The following CARS2 variants were observed in gnomAD, a reference collection of about 807,000 sequenced individuals.
CARS2 encodes probable cysteine--tRNA ligase, mitochondrial.
In CARS2, 52 loss-of-function variants were observed where a neutral mutation model predicts 68.8. That is an observed-to-expected ratio of 0.76 (90% CI 0.61 to 0.95). The LOEUF is 0.95. Among genes scored for constraint, CARS2 ranks in the 40% least tolerant of loss-of-function variants. The probability of loss-of-function intolerance (pLI) is 0.00; values close to 1 mark genes in which losing one functional copy is unlikely to be tolerated. For synonymous variants in CARS2, 314 were observed against 303.6 expected (o/e 1.03, Z -0.36); for missense variants, 780 against 754.2 (o/e 1.03, Z -0.40).
chr13:110,658,349 G>C (rs572139176), intron 9 of CARS2, among the ~76,000 whole-genome samples: 41 of 152,196 alleles, frequency 2.7e-4, no homozygotes, highest in African/African-American at 9.6e-4. Context: ...AAAGTAGAAG[G>C]GTTGTTGCCA....
At chr13:110,650,490 A>T (rs552861359) in intron 10 of CARS2, 3 of 152,636 alleles carry the variant, frequency 2.0e-5, no homozygotes, top group African/African-American at 7.2e-5. Context: ...TCGGCCTCCC[A>T]AAGTGCTGGG....
intron 3 of CARS2, among the ~76,000 whole-genome samples, chr13:110,693,276 T>A (rs758423440): frequency 6.6e-4 from 101 of 152,142 alleles, no homozygotes; most frequent in Non-Finnish European, 1.2e-3. Flanking sequence ...GGCCCAGTCC[T>A]GGAGGACATG....
rs969887115 is a variant in CARS2 at position 110,653,355 on chromosome 13, C to T, written c.988-2255G>A. Among the ~76,000 whole-genome samples the T allele has an allele frequency of 1.3e-5, 2 of 152,188 alleles. No homozygotes were observed. Among genetic ancestry groups the T allele is most frequent in the African/African-American group, 4.8e-5 (2 of 41,442 alleles). On this transcript the variant is annotated intron_variant, in intron 9 of 14. Transcript: ENST00000257347. The surrounding 1 kb of genome is among the most constrained non-coding windows in gnomAD (Gnocchi z 5.6). ...AAAAGGAATATTACTCCTGGGTCCT[C>T]TAATTCGCAACTCGCAGGCTTACTT...
chr13:110,698,550 T>A (rs994918023), intron 3 of CARS2, among the ~76,000 whole-genome samples: 19 of 152,080 alleles, frequency 1.2e-4, no homozygotes, highest in African/African-American at 4.3e-4. Context: ...AAGTTTTTTT[T>A]AAAAAGCACC....
At chr13:110,649,541 A>G (rs1441954829) in intron 10 of CARS2, among the ~76,000 whole-genome samples, 1 of 152,246 alleles carries the variant, frequency 6.6e-6, no homozygotes, top group Non-Finnish European at 1.5e-5. Context: ...CTGGCCAGAT[A>G]GATTCACCCC....
At chr13:110,669,660 G>A (rs1332612406) in intron 7 of CARS2, among the ~76,000 whole-genome samples, 1 of 152,132 alleles carries the variant, frequency 6.6e-6, no homozygotes, top group East Asian at 1.9e-4. Context: ...CGCAGAAGAC[G>A]GGTGATTTCT....
chr13:110,687,901 C>T lies in CARS2; in HGVS notation c.465+46G>A, dbSNP rs572549003. The T allele has an allele frequency of 2.9e-5, 45 of 1,570,068 alleles. No individual in the cohort carries two copies. In the South Asian group the frequency reaches 4.4e-4, roughly 15 times the overall value. ...TCAGCCAGCACCAGCTGTCATTGCT[C>T]ACGCCTGTCACCCTCATGGCAGGAA... On this transcript the variant is annotated intron_variant, in intron 4 of 14. Coordinates refer to ENST00000257347, the MANE Select transcript of CARS2 (RefSeq NM_024537.4).
At chr13:110,700,491 A>G (rs984094417) in intron 3 of CARS2, among the ~76,000 whole-genome samples, 3 of 152,242 alleles carry the variant, frequency 2.0e-5, no homozygotes, top group Non-Finnish European at 2.9e-5. Context: ...AACAGAGAGA[A>G]GATGATGGCC....
In CARS2 at chr13:110,705,646, C is replaced by G. The variant is rs745684151; in HGVS notation, c.225-75G>C. The G allele has an allele frequency of 6.7e-6, 10 of 1,502,920 alleles. No homozygotes were observed. The highest frequency in any genetic ancestry group is 5.5e-6 in the Non-Finnish European group (6 of 1,082,804). 93.1% of individuals were successfully genotyped at this position (1,502,920 alleles called of 1,614,324 possible). On this transcript the variant is annotated intron_variant, in intron 1 of 14. Coordinates refer to ENST00000257347, the MANE Select transcript of CARS2 (RefSeq NM_024537.4). The surrounding 1 kb of genome is among the most constrained non-coding windows in gnomAD (Gnocchi z 4.0). ...ACATTCGATTCTGAGTTATAATGATCATATAATTTTTAAAGTAATCACTTC... is the reference window on the plus strand; with the variant it reads ...ACATTCGATTCTGAGTTATAATGATGATATAATTTTTAAAGTAATCACTTC...
At chr13:110,646,888 G>C in intron 11 of CARS2, 1 of 525,338 alleles carries the variant, frequency 1.9e-6, no homozygotes, top group Non-Finnish European at 3.3e-6. Context: ...CCAGCTCCCA[G>C]TCCCCTGTGG....
upstream of CARS2, among the ~76,000 whole-genome samples, chr13:110,711,147 C>T (rs1210025044): frequency 2.0e-5 from 3 of 152,158 alleles, no homozygotes; most frequent in African/African-American, 7.2e-5. Context: ...CCTTATTCAA[C>T]TTTGTACTCC....
chr13:110,701,799 T>A (rs1418152833), intron 2 of CARS2, among the ~76,000 whole-genome samples: 1 of 152,254 alleles, frequency 6.6e-6, no homozygotes, highest in African/African-American at 2.4e-5. Context: ...TTAGCATTTT[T>A]AATTTTGGAG....
chr13:110,645,815 C>T (rs940317730), intron 12 of CARS2, 152 bp downstream of exon 12: 86 of 1,031,552 alleles, frequency 8.3e-5, no homozygotes, highest in Non-Finnish European at 1.0e-4. Context: ...CGTGTGTCAG[C>T]GGCAGACTCG....
intron 3 of CARS2, among the ~76,000 whole-genome samples, chr13:110,700,872 A>G (rs73618914): frequency 2.9e-4 from 44 of 152,312 alleles, no homozygotes; most frequent in African/African-American, 9.9e-4. Flanking sequence ...AGACGACCAC[A>G]GAAGGAGGTA....
Position 110,706,001 on chromosome 13 carries a change from G to T in CARS2, c.93C>A (p.Gly31=). 1 of 1,495,576 alleles carries T rather than the reference G, an allele frequency of 6.7e-7. No individual in the cohort carries two copies. Among genetic ancestry groups the T allele is most frequent in the Non-Finnish European group, 8.9e-7 (1 of 1,127,640 alleles). 92.6% of individuals were successfully genotyped at this position (1,495,576 alleles called of 1,614,324 possible). A position where few individuals can be genotyped will look rare whatever the true frequency, so the allele number is the denominator to read the frequency against. The change falls in exon 1 of 15, where the codon GGC becomes GGA. Residue 31 remains glycine, a synonymous_variant. Transcript: ENST00000257347. ...LGRAGWHWPA[G]RAASGGRGRA... is the part of the protein sequence containing the mutation. ...GCCCGCGCCCCCCGCTCGCCGCCCG[G>T]CCCGCAGGCCAGTGCCACCCAGCCC...
chr13:110,682,906 C>A, intron 6 of CARS2, 145 bp downstream of exon 6: 1 of 484,362 alleles, frequency 2.1e-6, no homozygotes, highest in East Asian at 3.3e-5. Flanking sequence ...CCACAGAAAC[C>A]ACACTAAATT....
At chr13:110,662,557 C>T (rs1853861) in intron 9 of CARS2, among the ~76,000 whole-genome samples, 117,896 of 152,246 alleles carry the variant, frequency 0.77, 46,390 homozygotes, top group Middle Eastern at 0.85. Context: ...TCTAATTTAC[C>T]AATTTAATTG....
At chr13:110,683,286 G>C in intron 5 of CARS2, 152 bp from the exon 6 acceptor site, 1 of 484,424 alleles carries the variant, frequency 2.1e-6, no homozygotes, top group East Asian at 3.6e-5. Context: ...TTATAGACAG[G>C]GTCTTGCTGT....
Position 110,705,569 on chromosome 13 carries a change from T to C in CARS2, c.227A>G (p.Tyr76Cys). The C allele has an allele frequency of 1.2e-6, 2 of 1,612,790 alleles. No individual in the cohort carries two copies. Among genetic ancestry groups the C allele is most frequent in the Non-Finnish European group, 1.7e-6 (2 of 1,178,754 alleles). The part of the protein sequence containing the change: ...IVAHAEAASW[Y>C]SCGPTVYDHA... ...ATCATATACAGTTGGTCCACAGCTA[T>C]ACCTGGAAACAAAGTTAAAATCCAT... Residue 76 changes from tyrosine (Y) to cysteine (C), a missense_variant and splice_region_variant, in exon 2 of 15, where the codon TAT (tyrosine) becomes TGT (cysteine). Transcript: ENST00000257347. This position sits in a 1 kb window ranked among gnomAD's most constrained non-coding sequence, Gnocchi z 4.0.
Sources: gnomAD v4.1 joint callset for allele counts (sites outside exome capture counted in the v4.1 genomes callset) on GRCh38, gnomAD v4.1.1 for gene constraint, Gnocchi (gnomAD v3.1) non-coding constraint, MANE v1.5 for transcripts, NCBI Gene and HGNC (gene_info 2026-07-23, HGNC 2026-07-21) for gene names.